The following PPM1E variants were observed in gnomAD, a reference collection of about 807,000 sequenced individuals.
PPM1E encodes the protein protein phosphatase 1E.
A neutral mutation model predicts 65.9 loss-of-function variants in PPM1E; 20 were observed. The observed-to-expected ratio is 0.30, with a 90% confidence interval of 0.21 to 0.44. The LOEUF (loss-of-function observed/expected upper bound fraction) is 0.44, where lower values mean the gene tolerates loss of function less well. Ranked by LOEUF, PPM1E falls within the 20% of genes least tolerant of loss-of-function variation. The pLI is 1.00. For missense variants in PPM1E, 713 were observed against 953.1 expected (o/e 0.75, Z 3.32); for synonymous variants, 352 against 374.9 (o/e 0.94, Z 0.70).
At chr17:58,972,367 T>TC in intron 5 of PPM1E, 92 bp downstream of exon 5, 1 of 1,364,744 alleles carries the variant, frequency 7.3e-7, no homozygotes, top group Middle Eastern at 2.7e-4. Flanking sequence ...TTTTTTTTTT[T>TC]TGAGATGGAG....
intron 1 of PPM1E, among the ~76,000 whole-genome samples, chr17:58,918,663 G>T (rs138313741): frequency 1.3e-5 from 2 of 151,582 alleles, no homozygotes; most frequent in African/African-American, 2.4e-5. Context: ...AAAATTCGCC[G>T]GGCATGGTGG....
intron 1 of PPM1E, among the ~76,000 whole-genome samples, chr17:58,871,953 A>G (rs1278609507): frequency 3.3e-5 from 5 of 152,248 alleles, no homozygotes; most frequent in Non-Finnish European, 7.3e-5. Context: ...CTTTTCAAAG[A>G]TAAACTGTTT....
intron 1 of PPM1E, among the ~76,000 whole-genome samples, chr17:58,908,549 C>T (rs1257143492): frequency 1.3e-5 from 2 of 152,020 alleles, no homozygotes; most frequent in Non-Finnish European, 2.9e-5. Flanking sequence ...AAGCAATTCT[C>T]CTGCCTCAGC....
At chr17:58,972,553 G>A (rs1479815297) in intron 5 of PPM1E, among the ~76,000 whole-genome samples, 2 of 152,102 alleles carry the variant, frequency 1.3e-5, no homozygotes, top group Admixed American at 6.5e-5. Context: ...GTTTCACCAT[G>A]TTGGCCAGGC....
chr17:58,882,547 C>T (rs551437233), intron 1 of PPM1E, among the ~76,000 whole-genome samples: 14 of 152,104 alleles, frequency 9.2e-5, no homozygotes, highest in South Asian at 4.2e-4. Flanking sequence ...CGTGCCACCA[C>T]GCCTGGCTAA....
At chr17:58,928,137 C>CA (rs1280568696) in intron 1 of PPM1E, among the ~76,000 whole-genome samples, 1 of 151,824 alleles carries the variant, frequency 6.6e-6, no homozygotes, top group Non-Finnish European at 1.5e-5. Flanking sequence ...GAGGCTGAGG[C>CA]AGGAGGATCA....
At chr17:58,911,349 AT>A (rs1407876961) in intron 1 of PPM1E, among the ~76,000 whole-genome samples, 2 of 151,952 alleles carry the variant, frequency 1.3e-5, no homozygotes, top group Non-Finnish European at 2.9e-5. Flanking sequence ...TTCTCTTCAA[AT>A]TTTTTTCTCT....
rs1328799233 is a variant in PPM1E at position 58,959,647 on chromosome 17, G to A, written c.583+3880G>A. ...CTCCCAAAGTGCTGGGATTACAGGC[G>A]TGAGCCACTGCACCCAGCCTAAAAA... On this transcript the variant is annotated intron_variant, in intron 2 of 6. Transcript: ENST00000308249. Among the ~76,000 whole-genome samples the A allele has an allele frequency of 7.4e-5, 11 of 147,992 alleles. 1 individual carries two copies. The South Asian group carries it at 1.5e-3, about 20-fold the overall frequency.
At chr17:58,824,612 C>T (rs1183333976) in intron 1 of PPM1E, among the ~76,000 whole-genome samples, 30 of 147,056 alleles carry the variant, frequency 2.0e-4, no homozygotes, top group African/African-American at 4.8e-4. Context: ...TTTTTTGAGA[C>T]GGAGTCTCGC....
intron 1 of PPM1E, among the ~76,000 whole-genome samples, chr17:58,818,463 G>A (rs1024633724): frequency 6.6e-6 from 1 of 152,164 alleles, no homozygotes; most frequent in Admixed American, 6.5e-5. Flanking sequence ...TTACAGTAAA[G>A]ATGAGCCCAA....
chr17:58,873,168 C>T (rs1019328036), intron 1 of PPM1E, among the ~76,000 whole-genome samples: 4 of 152,148 alleles, frequency 2.6e-5, no homozygotes, highest in African/African-American at 7.2e-5. Context: ...ATTTTCATAA[C>T]TCTTTGTAAG....
intron 1 of PPM1E, among the ~76,000 whole-genome samples, chr17:58,823,013 ATTGCTCTTCTTG>A (rs1378372876): frequency 1.3e-5 from 2 of 152,012 alleles, no homozygotes; most frequent in Non-Finnish European, 2.9e-5. Flanking sequence ...TACGATGATT[ATTGCTCTTCTTG>A]TTTGACCTGG....
chr17:58,904,879 C>T lies in PPM1E; in HGVS notation c.465-50770C>T, dbSNP rs565390698. Among the ~76,000 whole-genome samples the T allele has an allele frequency of 2.1e-4, 32 of 150,836 alleles. No homozygotes were observed. The East Asian group carries it at 2.3e-3, about 11-fold the overall frequency. On this transcript the variant is annotated intron_variant, in intron 1 of 6. Transcript: ENST00000308249. ...TACAAAAAAAAAAAAAAAAATCAGC[C>T]GGATGTGGTGGTGTATGCCTGTAAT...
chr17:58,913,171 T>G (rs1383914886), intron 1 of PPM1E, among the ~76,000 whole-genome samples: 1 of 152,158 alleles, frequency 6.6e-6, no homozygotes, highest in Non-Finnish European at 1.5e-5. Flanking sequence ...TCTACATATC[T>G]CCAAGTAGAT....
intron 3 of PPM1E, among the ~76,000 whole-genome samples, chr17:58,969,245 G>A (rs760877208): frequency 2.6e-5 from 4 of 152,008 alleles, no homozygotes; most frequent in Admixed American, 2.0e-4. Context: ...GCAAATGTAC[G>A]TGGGTGGTTT....
intron 1 of PPM1E, among the ~76,000 whole-genome samples, chr17:58,900,109 G>A (rs141418291): frequency 7.9e-5 from 12 of 152,054 alleles, no homozygotes; most frequent in African/African-American, 2.9e-4. Flanking sequence ...ATCTACTCAT[G>A]GTGTAGATGA....
At chr17:58,819,097 T>C (rs1313498916) in intron 1 of PPM1E, among the ~76,000 whole-genome samples, 1 of 152,228 alleles carries the variant, frequency 6.6e-6, no homozygotes, top group East Asian at 1.9e-4. Flanking sequence ...AAATTGTAAC[T>C]GTTATTATGG....
intron 1 of PPM1E, among the ~76,000 whole-genome samples, chr17:58,831,004 CT>C (rs11448582): frequency 3.8e-4 from 51 of 135,816 alleles, no homozygotes; most frequent in Admixed American, 7.5e-4. Context: ...CTTACTTTAT[CT>C]TTTTTTTTTT....
At chr17:58,866,024 A>ATT (rs1033531897) in intron 1 of PPM1E, among the ~76,000 whole-genome samples, 1 of 152,172 alleles carries the variant, frequency 6.6e-6, no homozygotes, top group Non-Finnish European at 1.5e-5. Context: ...TCCCCATCAT[A>ATT]TTTCTTGTGG....
Sources: allele counts gnomAD v4.1 joint callset (sites outside exome capture counted in the v4.1 genomes callset), GRCh38; gene constraint gnomAD v4.1.1; transcripts MANE v1.5; gene names NCBI Gene and HGNC (gene_info 2026-07-23, HGNC 2026-07-21).